The following ADCY5 variants were observed in gnomAD, a reference collection of about 807,000 sequenced individuals.
ADCY5 encodes adenylate cyclase type 5.
ADCY5 carries 30 observed loss-of-function variants against 119.7 expected under a neutral mutation model. That is an observed-to-expected ratio of 0.25 (90% CI 0.19 to 0.34). The LOEUF (loss-of-function observed/expected upper bound fraction) is 0.34, where lower values mean the gene tolerates loss of function less well. Ranked by LOEUF, ADCY5 falls within the 10% of genes least tolerant of loss-of-function variation. The probability of loss-of-function intolerance (pLI) is 1.00; values close to 1 mark genes in which losing one functional copy is unlikely to be tolerated. For missense variants in ADCY5, 1,324 were observed against 1,775.2 expected, an observed-to-expected ratio of 0.75 and a Z score of 4.57; for synonymous variants, 753 against 762.2, an observed-to-expected ratio of 0.99 and a Z score of 0.20.
chr3:123,313,700 C>T (rs1291678451), intron 12 of ADCY5, among the ~76,000 whole-genome samples: 2 of 152,186 alleles, frequency 1.3e-5, no homozygotes, highest in African/African-American at 4.8e-5. Flanking sequence ...GAACAAGAGC[C>T]ACATTTCTGC....
intron 1 of ADCY5, among the ~76,000 whole-genome samples, chr3:123,415,461 T>C (rs1254414666): frequency 6.6e-6 from 1 of 152,066 alleles, no homozygotes; most frequent in African/African-American, 2.4e-5. Context: ...CAAAAGAAAA[T>C]GACCCAGATT....
chr3:123,395,857 T>G (rs1166248382), intron 1 of ADCY5, among the ~76,000 whole-genome samples: 1 of 145,776 alleles, frequency 6.9e-6, no homozygotes, highest in Non-Finnish European at 1.5e-5. Flanking sequence ...CACTCCAGAC[T>G]GGGAAACAGA....
chr3:123,297,961 T>C (rs1012963052), intron 15 of ADCY5, among the ~76,000 whole-genome samples: 3 of 152,242 alleles, frequency 2.0e-5, no homozygotes, highest in Admixed American at 2.0e-4. Flanking sequence ...GCCTTTTTAA[T>C]ATGGCTATAA....
intron 1 of ADCY5, among the ~76,000 whole-genome samples, chr3:123,417,818 C>T (rs2107633317): frequency 6.6e-6 from 1 of 152,240 alleles, no homozygotes; most frequent in Middle Eastern, 3.4e-3. Context: ...CTTTCCAGCC[C>T]TGACATTCTA....
chr3:123,357,814 A>C (rs1279051152), intron 1 of ADCY5, among the ~76,000 whole-genome samples: 1 of 152,102 alleles, frequency 6.6e-6, no homozygotes, highest in Non-Finnish European at 1.5e-5. Flanking sequence ...AATAGTGGGG[A>C]GGTATCGGTA....
chr3:123,382,756 A>T (rs1006337865), intron 1 of ADCY5, among the ~76,000 whole-genome samples: 1 of 152,164 alleles, frequency 6.6e-6, no homozygotes, highest in Admixed American at 6.5e-5. Context: ...GGCTGGGGGG[A>T]GGAAGGAATG....
At chr3:123,317,958 C>T in intron 11 of ADCY5, 62 bp downstream of exon 11, 2 of 1,475,114 alleles carry the variant, frequency 1.4e-6, no homozygotes, top group Non-Finnish European at 1.9e-6. Context: ...TGACCACCCC[C>T]TCCCACTCCT....
In ADCY5 at chr3:123,448,949, T is replaced by G; in HGVS notation, c.-404A>C. On this transcript the variant is annotated 5_prime_UTR_variant, in exon 1 of 21. Transcript: ENST00000462833. ...GGGCGGTGCCTCCTCGGGCCGGCAG[T>G]GCCCGGGCGCGGCGCTCGCTGATTC... The G allele has an allele frequency of 1.2e-5, 2 of 167,414 alleles. No homozygotes were observed. Among genetic ancestry groups the G allele is most frequent in the Admixed American group, 6.4e-5 (1 of 15,616 alleles). The allele number at this position is 167,414 out of a possible 1,614,324, so 10.4% of individuals were successfully genotyped here. A position where few individuals can be genotyped will look rare whatever the true frequency, so the allele number is the denominator to read the frequency against.
intron 1 of ADCY5, among the ~76,000 whole-genome samples, chr3:123,399,600 T>C (rs909741155): frequency 2.0e-5 from 3 of 152,220 alleles, no homozygotes; most frequent in Non-Finnish European, 2.9e-5. Flanking sequence ...TTGTTAACTA[T>C]ATGCATATTA....
intron 12 of ADCY5, among the ~76,000 whole-genome samples, chr3:123,309,328 CCA>C (rs1940414735): frequency 6.6e-6 from 1 of 152,192 alleles, no homozygotes; most frequent in South Asian, 2.1e-4. Context: ...GGTAAGAAAA[CCA>C]CAGAGGTCAA....
intron 17 of ADCY5, among the ~76,000 whole-genome samples, chr3:123,294,330 C>T (rs1360970686): frequency 6.6e-6 from 1 of 152,154 alleles, no homozygotes; most frequent in Non-Finnish European, 1.5e-5. Context: ...CAGAGATTTG[C>T]TGAGGATCAG....
intron 1 of ADCY5, among the ~76,000 whole-genome samples, chr3:123,412,826 A>AC (rs1185114467): frequency 1.3e-5 from 2 of 152,170 alleles, no homozygotes; most frequent in African/African-American, 4.8e-5. Context: ...CAAAAAAAAA[A>AC]AAAGGCAGTC....
intron 12 of ADCY5, among the ~76,000 whole-genome samples, chr3:123,312,472 G>A (rs1345482120): frequency 6.6e-6 from 1 of 151,906 alleles, no homozygotes; most frequent in Non-Finnish European, 1.5e-5. Context: ...CTCATGTTGT[G>A]CAACCAATAT....
Position 123,448,541 on chromosome 3 carries a change from G to C in ADCY5, c.5C>G (p.Ser2Cys). The C allele has an allele frequency of 2.4e-6, 3 of 1,265,242 alleles. No individual in the cohort carries two copies. The highest frequency in any genetic ancestry group is 2.0e-6 in the Non-Finnish European group (2 of 1,006,932). 78.4% of individuals were successfully genotyped at this position (1,265,242 alleles called of 1,614,324 possible). The change falls in exon 1 of 21, where the codon TCC becomes TGC. Residue 2 changes from serine (S) to cysteine (C), a missense_variant. Transcript: ENST00000462833. M[S>C]GSKSVSPPGY... ...CGGGGGGCTCACGCTTTTGGAGCCG[G>C]ACATCCCCCCCTCGGCCTCGTCGTC...
chr3:123,342,153 T>A (rs983867132), intron 3 of ADCY5, among the ~76,000 whole-genome samples: 1 of 152,170 alleles, frequency 6.6e-6, no homozygotes, highest in African/African-American at 2.4e-5. Flanking sequence ...TCACGGCCCC[T>A]CCTCATGTGG....
At chr3:123,444,546 G>A (rs1177836862) in intron 1 of ADCY5, among the ~76,000 whole-genome samples, 1 of 152,204 alleles carries the variant, frequency 6.6e-6, no homozygotes, top group African/African-American at 2.4e-5. Context: ...AAGAGGGGCT[G>A]TGGCACCTTG....
intron 1 of ADCY5, among the ~76,000 whole-genome samples, chr3:123,371,790 C>A (rs1221409921): frequency 1.3e-5 from 2 of 152,224 alleles, no homozygotes; most frequent in Admixed American, 6.5e-5. Context: ...CCCCCACCCC[C>A]ACCCCTGCAT....
intron 1 of ADCY5, among the ~76,000 whole-genome samples, chr3:123,445,746 C>T (rs1398552099): frequency 6.6e-6 from 1 of 152,130 alleles, no homozygotes; most frequent in Non-Finnish European, 1.5e-5. Flanking sequence ...ACTCCATTCA[C>T]TGGACCCCAA....
intron 3 of ADCY5, among the ~76,000 whole-genome samples, chr3:123,335,402 T>C (rs1246359482): frequency 2.0e-5 from 3 of 152,160 alleles, no homozygotes. Context: ...AGTCAGACAC[T>C]ATTTTAAGCT....
Sources: allele counts gnomAD v4.1 joint callset (sites outside exome capture counted in the v4.1 genomes callset), GRCh38; gene constraint gnomAD v4.1.1; transcripts MANE v1.5; gene names NCBI Gene and HGNC (gene_info 2026-07-23, HGNC 2026-07-21).